NUMB: variants seen among roughly 807,000 people sequenced by gnomAD.
The protein encoded by NUMB is protein numb homolog.
Under a neutral mutation model 59.7 loss-of-function variants are expected in NUMB, and 29 were observed. The ratio of observed to expected loss-of-function variants is 0.49; its 90% confidence interval spans 0.36 to 0.66. The LOEUF is 0.66. Ranked by LOEUF, NUMB falls within the 30% of genes least tolerant of loss-of-function variation. The pLI is 0.00. For synonymous variants in NUMB, 288 were observed against 288.2 expected (o/e 1.00, Z 0.01); for missense variants, 723 against 822.0 (o/e 0.88, Z 1.47).
intron 4 of NUMB, among the ~76,000 whole-genome samples, chr14:73,329,193 T>G (rs973599622): frequency 9.2e-5 from 14 of 152,140 alleles, no homozygotes; most frequent in African/African-American, 3.4e-4. Context: ...AACAGTGTCT[T>G]TAGCAAAGCA....
intron 2 of NUMB, among the ~76,000 whole-genome samples, chr14:73,391,902 G>A (rs1473991624): frequency 1.3e-5 from 2 of 152,168 alleles, no homozygotes; most frequent in African/African-American, 2.4e-5. Flanking sequence ...GAAGACTGTT[G>A]TACATCTGTT....
At chr14:73,285,617 T>A (rs1182103509) in intron 9 of NUMB, 3 of 151,972 alleles carry the variant, frequency 2.0e-5, no homozygotes, top group Non-Finnish European at 4.4e-5. Flanking sequence ...TATTAGTCAA[T>A]GATGCTAACC....
At chr14:73,313,401 A>G (rs1353774230) in intron 6 of NUMB, among the ~76,000 whole-genome samples, 2 of 151,996 alleles carry the variant, frequency 1.3e-5, no homozygotes, top group Non-Finnish European at 1.5e-5. Flanking sequence ...AAACAACCAC[A>G]GACTCCACAT....
chr14:73,281,579 A>C (rs1888640447), intron 11 of NUMB: 1 of 152,228 alleles, frequency 6.6e-6, no homozygotes, highest in Admixed American at 6.5e-5. Flanking sequence ...AGCAGCTCAA[A>C]TTCTACAAGT....
chr14:73,287,263 G>A lies in NUMB; in HGVS notation c.502C>T (p.Arg168Cys), dbSNP rs373383287. The A allele has an allele frequency of 2.3e-5, 37 of 1,613,444 alleles. No homozygotes were observed. Among genetic ancestry groups the A allele is most frequent in the Admixed American group, 3.3e-5 (2 of 59,900 alleles). The change falls in exon 9 of 13, where the codon CGC becomes TGC. Residue 168 changes from arginine to cysteine, a missense_variant. By Grantham distance (180) the Arg-to-Cys change is radical. This residue lies in a region of NUMB where 317 missense variants were observed against 436.6 expected (regional missense o/e 0.73). Coordinates refer to ENST00000555238, the MANE Select transcript of NUMB (RefSeq NM_001005743.2). ...VGCAFAACLE[R>C]KQKREKECGV... is the part of the protein sequence containing the mutation. ...CATTCCTTCTCCCGCTTCTGCTTGC[G>A]CTCTAAACAGGCTGCAAAAGCACAG... is the stretch of plus-strand genomic sequence containing the variant.
chr14:73,337,178 C>T (rs906654079), intron 4 of NUMB, among the ~76,000 whole-genome samples: 3 of 151,902 alleles, frequency 2.0e-5, no homozygotes, highest in African/African-American at 7.3e-5. Context: ...TACACGAAAA[C>T]TTTTGCTAAA....
intron 5 of NUMB, among the ~76,000 whole-genome samples, chr14:73,317,036 T>C (rs1167759417): frequency 6.6e-6 from 1 of 152,224 alleles, no homozygotes; most frequent in Non-Finnish European, 1.5e-5. Flanking sequence ...GCTTGACCAT[T>C]GGCTTTCCAT....
chr14:73,440,189 AGATATCCATATATATATATG>A (rs11271921), intron 1 of NUMB, among the ~76,000 whole-genome samples: 69,031 of 143,718 alleles, frequency 0.48, 17,503 homozygotes, highest in African/African-American at 0.54. Flanking sequence ...TGGGACAACT[AGATATCCATATATATATATG>A]GATATCCATA....
intron 1 of NUMB, among the ~76,000 whole-genome samples, chr14:73,456,015 G>C (rs919527328): frequency 3.9e-5 from 6 of 152,042 alleles, no homozygotes; most frequent in Admixed American, 2.6e-4. Context: ...AAGTTCCAGA[G>C]TCAGAGGCAT....
intron 4 of NUMB, among the ~76,000 whole-genome samples, chr14:73,352,525 T>C (rs1893438359): frequency 4.3e-5 from 1 of 23,336 alleles, no homozygotes; most frequent in East Asian, 2.3e-3. Flanking sequence ...TATATATATA[T>C]ATATGTTTTT....
At chr14:73,435,703 T>C (rs961195647) in intron 1 of NUMB, among the ~76,000 whole-genome samples, 1 of 151,842 alleles carries the variant, frequency 6.6e-6, no homozygotes, top group Admixed American at 6.6e-5. Flanking sequence ...CTTCTCATTA[T>C]AATAACCAAA....
intron 1 of NUMB, among the ~76,000 whole-genome samples, chr14:73,417,234 G>C (rs1361205068): frequency 6.6e-6 from 1 of 152,060 alleles, no homozygotes; most frequent in Non-Finnish European, 1.5e-5. Flanking sequence ...AAGGACTCAG[G>C]TAACAAGAGG....
At chr14:73,315,395 AAACTTGGAC>A (rs1891033125) in intron 6 of NUMB, among the ~76,000 whole-genome samples, 1 of 152,144 alleles carries the variant, frequency 6.6e-6, no homozygotes, top group South Asian at 2.1e-4. Flanking sequence ...AAACAAGGAT[AAACTTGGAC>A]ACAAAATATA....
At chr14:73,411,239 A>C (rs1896883020) in intron 1 of NUMB, among the ~76,000 whole-genome samples, 1 of 152,082 alleles carries the variant, frequency 6.6e-6, no homozygotes, top group Non-Finnish European at 1.5e-5. Context: ...GGGTGGGTAC[A>C]GATGAGGTCT....
At chr14:73,402,757 G>A (rs978456079) in intron 2 of NUMB, among the ~76,000 whole-genome samples, 1 of 152,096 alleles carries the variant, frequency 6.6e-6, no homozygotes, top group Non-Finnish European at 1.5e-5. Context: ...CTTGCCCAAG[G>A]TCTCAAGATT....
At chr14:73,286,884 ACT>A (rs1251693835) in intron 9 of NUMB, 6 of 543,828 alleles carry the variant, frequency 1.1e-5, no homozygotes, top group Non-Finnish European at 1.3e-5. Flanking sequence ...CTTCAACTGC[ACT>A]CTGATTCCTC....
intron 8 of NUMB, among the ~76,000 whole-genome samples, chr14:73,288,233 G>A (rs1264567033): frequency 1.3e-5 from 2 of 151,970 alleles, no homozygotes; most frequent in East Asian, 3.9e-4. Context: ...GGATAACACA[G>A]TGAGACTCTG....
At chr14:73,303,971 T>G (rs1408062022) in intron 6 of NUMB, among the ~76,000 whole-genome samples, 1 of 152,242 alleles carries the variant, frequency 6.6e-6, no homozygotes, top group Non-Finnish European at 1.5e-5. Context: ...TTATCTTCCT[T>G]AAAACCTTTT....
intron 4 of NUMB, among the ~76,000 whole-genome samples, chr14:73,329,791 A>G (rs1891860602): frequency 6.6e-6 from 1 of 152,218 alleles, no homozygotes; most frequent in African/African-American, 2.4e-5. Context: ...CTTGGGAAGG[A>G]TACTTATCTT....
Sources: allele counts gnomAD v4.1 joint callset (sites outside exome capture counted in the v4.1 genomes callset), GRCh38; gene constraint gnomAD v4.1.1; regional missense constraint gnomAD v4.1.1; transcripts MANE v1.5; gene names NCBI Gene and HGNC (gene_info 2026-07-23, HGNC 2026-07-21).